Variants in PCDHA2 observed in about 807,000 individuals in gnomAD.
PCDHA2 encodes protocadherin alpha 2.
A neutral mutation model predicts 66.0 loss-of-function variants in PCDHA2; 58 were observed. The ratio of observed to expected loss-of-function variants is 0.88; its 90% CI spans 0.71 to 1.09. The LOEUF (loss-of-function observed/expected upper bound fraction) is 1.09. PCDHA2 is among the 50% of genes least tolerant of loss of function. The pLI is 0.00. For synonymous variants in PCDHA2, 634 were observed against 554.0 expected, an observed-to-expected ratio of 1.14 and a Z score of -2.03; for missense variants, 1,267 against 1,242.3, an observed-to-expected ratio of 1.02 and a Z score of -0.30.
At chr5:140,845,370 T>G (rs1032525596) in intron 1 of PCDHA2, among the ~76,000 whole-genome samples, 1 of 149,690 alleles carries the variant, frequency 6.7e-6, no homozygotes, top group African/African-American at 2.4e-5. Flanking sequence ...CAAAATATCA[T>G]AAATAGGAGG....
At chr5:140,940,593 A>G (rs2092648765) in intron 1 of PCDHA2, among the ~76,000 whole-genome samples, 1 of 152,170 alleles carries the variant, frequency 6.6e-6, no homozygotes, top group Non-Finnish European at 1.5e-5. Flanking sequence ...GATTTCAGGC[A>G]TGAGCCGCTG....
At chr5:140,850,051 C>A in intron 1 of PCDHA2, 1 of 1,596,418 alleles carries the variant, frequency 6.3e-7, no homozygotes, top group Non-Finnish European at 8.6e-7. Flanking sequence ...AAGGTGTACG[C>A]GCTGCAGCCG....
chr5:140,978,444 T>G (rs2096802589), intron 1 of PCDHA2, among the ~76,000 whole-genome samples: 1 of 152,248 alleles, frequency 6.6e-6, no homozygotes, highest in Non-Finnish European at 1.5e-5. Context: ...GTGTTATGAC[T>G]GGGCACATCC....
At chr5:140,844,093 C>A (rs2150368688) in intron 1 of PCDHA2, among the ~76,000 whole-genome samples, 1 of 149,604 alleles carries the variant, frequency 6.7e-6, no homozygotes, top group African/African-American at 2.4e-5. Context: ...AACTCTTAAT[C>A]TTACTCCATA....
At position 140,857,907 on chromosome 5, in the gene PCDHA2, C is replaced by T. The variant is rs1250345336; in HGVS notation, c.2388+60555C>T. 3.1e-6 allele frequency: 5 copies of T among 1,597,680 alleles called. No homozygotes were observed. Among genetic ancestry groups the T allele is most frequent in the Admixed American group, 1.7e-5 (1 of 59,240 alleles). Reference sequence around the variant, plus strand: ...TCGGCGGCGGTTGGTGCACGCATCCCGTTTCGCGTGGGGCTGTACACGGGC... The same window carrying T: ...TCGGCGGCGGTTGGTGCACGCATCCTGTTTCGCGTGGGGCTGTACACGGGC... On this transcript the variant is annotated intron_variant, in intron 1 of 3. Transcript: ENST00000526136.
intron 1 of PCDHA2, among the ~76,000 whole-genome samples, chr5:140,898,095 T>C (rs1196262591): frequency 7.9e-5 from 12 of 152,170 alleles, no homozygotes; most frequent in Non-Finnish European, 1.6e-4. Flanking sequence ...ATTAGCCCTT[T>C]GTCAGATGAG....
intron 1 of PCDHA2, among the ~76,000 whole-genome samples, chr5:140,941,226 T>TCTTTCTTTCTTTCTTTCTTTCTTC (rs2092915713): frequency 1.5e-5 from 2 of 135,514 alleles, no homozygotes; most frequent in Admixed American, 7.6e-5. Flanking sequence ...TTTCTTTCTT[T>TCTTTCTTTCTTTCTTTCTTTCTTC]CTTTCTTTCT....
intron 1 of PCDHA2, among the ~76,000 whole-genome samples, chr5:140,906,606 G>A (rs2072783004): frequency 6.6e-6 from 1 of 152,208 alleles, no homozygotes; most frequent in Non-Finnish European, 1.5e-5. Context: ...TACTCATTCT[G>A]TATTCCCTTT....
At chr5:140,822,387 A>C (rs1767293783) in intron 1 of PCDHA2, 2 of 1,614,150 alleles carry the variant, frequency 1.2e-6, no homozygotes, top group East Asian at 4.5e-5. Context: ...GAGAAGAAAC[A>C]CAAGAACACC....
chr5:140,827,955 C>T, intron 1 of PCDHA2: 3 of 1,286,522 alleles, frequency 2.3e-6, no homozygotes, highest in Non-Finnish European at 3.2e-6. Flanking sequence ...ATTCAAATTT[C>T]TTCTATTACT....
intron 1 of PCDHA2, chr5:140,967,549 T>C (rs781838911): frequency 6.2e-7 from 1 of 1,614,012 alleles, no homozygotes; most frequent in Non-Finnish European, 8.5e-7. Flanking sequence ...ACCAGTCCAC[T>C]TATCGCGTCC....
chr5:140,831,798 C>T (rs1370257293), intron 1 of PCDHA2, among the ~76,000 whole-genome samples: 1 of 152,186 alleles, frequency 6.6e-6, no homozygotes, highest in African/African-American at 2.4e-5. Context: ...ATTTCAGTTT[C>T]TTCTGTAAAG....
intron 1 of PCDHA2, among the ~76,000 whole-genome samples, chr5:140,914,261 T>G (rs1294037425): frequency 6.6e-6 from 1 of 152,202 alleles, no homozygotes; most frequent in Non-Finnish European, 1.5e-5. Context: ...GCTTCAATGG[T>G]GGGTGCATAT....
At chr5:140,937,954 G>A (rs1209058625) in intron 1 of PCDHA2, among the ~76,000 whole-genome samples, 2 of 151,226 alleles carry the variant, frequency 1.3e-5, no homozygotes, top group Non-Finnish European at 2.9e-5. Context: ...GGCTTTTGTT[G>A]AAAGTATATA....
At chr5:140,898,597 G>C (rs1452719602) in intron 1 of PCDHA2, among the ~76,000 whole-genome samples, 12 of 152,188 alleles carry the variant, frequency 7.9e-5, no homozygotes, top group Admixed American at 1.3e-4. Context: ...CTGTAGCCTT[G>C]TAGTATAGTT....
chr5:140,857,748 C>A (rs782353510), intron 1 of PCDHA2: 1 of 1,597,386 alleles, frequency 6.3e-7, no homozygotes, highest in African/African-American at 1.3e-5. Flanking sequence ...CTGCTGGCGT[C>A]TCCCGCTGGC....
At chr5:140,898,450 C>G (rs1276825221) in intron 1 of PCDHA2, among the ~76,000 whole-genome samples, 4 of 152,148 alleles carry the variant, frequency 2.6e-5, no homozygotes, top group Non-Finnish European at 4.4e-5. Flanking sequence ...ATAGGGAATC[C>G]TTTCCCCATT....
At chr5:140,849,612 A>T in intron 1 of PCDHA2, 1 of 1,598,736 alleles carries the variant, frequency 6.3e-7, no homozygotes. Context: ...TGCCCTGATT[A>T]GTGTGATCGA....
intron 1 of PCDHA2, among the ~76,000 whole-genome samples, chr5:140,845,178 C>A (rs1562424606): frequency 6.7e-6 from 1 of 149,120 alleles, no homozygotes; most frequent in Non-Finnish European, 1.5e-5. Context: ...CATTTTAGTC[C>A]TTTAAAAAAT....
Sources: gnomAD v4.1 joint callset for allele counts (sites outside exome capture counted in the v4.1 genomes callset) on GRCh38, gnomAD v4.1.1 for gene constraint, MANE v1.5 for transcripts, NCBI Gene and HGNC (gene_info 2026-07-23, HGNC 2026-07-21) for gene names.